The following TMEM132B variants were observed in gnomAD, a reference collection of about 807,000 sequenced individuals.
The protein encoded by TMEM132B is transmembrane protein 132B.
In TMEM132B, 18 loss-of-function variants were observed where a neutral mutation model predicts 90.8. That is an observed-to-expected ratio of 0.20 (90% CI 0.14 to 0.29). The LOEUF (loss-of-function observed/expected upper bound fraction) is 0.29. Among genes scored for constraint, TMEM132B ranks in the 10% least tolerant of loss-of-function variants. The pLI, the probability that TMEM132B is intolerant of heterozygous loss-of-function variation, is 1.00. For missense variants in TMEM132B, 1,096 were observed against 1,326.8 expected, an observed-to-expected ratio of 0.83 and a Z score of 2.70; for synonymous variants, 504 against 523.3, an observed-to-expected ratio of 0.96 and a Z score of 0.50.
chr12:125,223,219 G>A (rs1234859898), intron 1 of TMEM132B, among the ~76,000 whole-genome samples: 1 of 152,202 alleles, frequency 6.6e-6, no homozygotes, highest in East Asian at 1.9e-4. Flanking sequence ...ATGACCTTGA[G>A]GAAGTTGATG....
intron 1 of TMEM132B, among the ~76,000 whole-genome samples, chr12:125,278,477 C>CT (rs35950577): frequency 0.27 from 37,509 of 141,374 alleles, 5,184 homozygotes; most frequent in East Asian, 0.45. Flanking sequence ...GAATCTCCAT[C>CT]TTTTTTTTTT....
chr12:125,509,018 A>G (rs1461092548), intron 3 of TMEM132B, among the ~76,000 whole-genome samples: 8 of 151,880 alleles, frequency 5.3e-5, no homozygotes, highest in Admixed American at 4.6e-4. Flanking sequence ...TCCTGGCCTT[A>G]AGTGACCCTC....
intron 1 of TMEM132B, among the ~76,000 whole-genome samples, chr12:125,293,271 C>T (rs1227632575): frequency 3.3e-5 from 5 of 152,170 alleles, no homozygotes; most frequent in Admixed American, 6.5e-5. Flanking sequence ...CTTAGTAAAG[C>T]GTATTGCAGC....
At chr12:125,392,193 C>T (rs933617540) in intron 2 of TMEM132B, among the ~76,000 whole-genome samples, 6 of 152,168 alleles carry the variant, frequency 3.9e-5, no homozygotes, top group African/African-American at 1.4e-4. Context: ...CTACTACGTG[C>T]TTTCCTCTCC....
intron 5 of TMEM132B, among the ~76,000 whole-genome samples, chr12:125,613,285 G>A (rs369762623): frequency 7.0e-6 from 1 of 143,554 alleles, no homozygotes; most frequent in African/African-American, 2.6e-5. Context: ...TTTCATATGG[G>A]CATACATGTG....
At chr12:125,288,462 CAAAA>C (rs11423298) in intron 1 of TMEM132B, among the ~76,000 whole-genome samples, 2 of 102,948 alleles carry the variant, frequency 1.9e-5, no homozygotes, top group Non-Finnish European at 1.9e-5. Context: ...GACTCCATCT[CAAAA>C]AAAAAAAAAA....
Position 125,652,651 on chromosome 12 carries a change from C to T in TMEM132B, c.2106+19C>T, listed in dbSNP as rs1407823170. 6.3e-7 allele frequency: 1 copy of T among 1,599,608 alleles called. No individual in the cohort carries two copies. On this transcript the variant is annotated intron_variant, in intron 8 of 8. Coordinates refer to ENST00000682704, the MANE Select transcript of TMEM132B (RefSeq NM_001366854.1). ...ACAGCAGGTGAGCGTTCCAGGGGCC[C>T]TGCGTCCTTGGTCAGTGGGGATGAC...
intron 5 of TMEM132B, chr12:125,588,139 C>G (rs1885224280): frequency 6.6e-6 from 1 of 152,152 alleles, no homozygotes; most frequent in African/African-American, 2.4e-5. Flanking sequence ...GGTTGAGCTT[C>G]CAGACATGTG....
At chr12:125,326,603 C>G (rs1279550414) in intron 1 of TMEM132B, 1 of 1,602,218 alleles carries the variant, frequency 6.2e-7, no homozygotes, top group Admixed American at 1.7e-5. Context: ...GCCCTCGCCT[C>G]AGCTCCAGAC....
intron 5 of TMEM132B, among the ~76,000 whole-genome samples, chr12:125,625,389 T>C (rs548541357): frequency 3.3e-5 from 5 of 152,298 alleles, no homozygotes; most frequent in East Asian, 3.9e-4. Flanking sequence ...CACCTCGGCC[T>C]CCCAAAGTGC....
At chr12:125,391,374 TG>T (rs1374603697) in intron 2 of TMEM132B, among the ~76,000 whole-genome samples, 1 of 152,160 alleles carries the variant, frequency 6.6e-6, no homozygotes, top group African/African-American at 2.4e-5. Flanking sequence ...TTGGGGCCTG[TG>T]GGTGTTAGTT....
At chr12:125,358,778 C>T (rs1877867007) in intron 2 of TMEM132B, among the ~76,000 whole-genome samples, 1 of 152,184 alleles carries the variant, frequency 6.6e-6, no homozygotes, top group Admixed American at 6.5e-5. Context: ...CTGTTTCCCC[C>T]TTTGTAGTTG....
chr12:125,443,933 AT>A (rs79875848), intron 3 of TMEM132B, among the ~76,000 whole-genome samples: 2,096 of 146,860 alleles, frequency 0.014, 51 homozygotes, highest in African/African-American at 0.048. Context: ...ATGAAAGTGT[AT>A]TTTTTTTTTT....
intron 4 of TMEM132B, among the ~76,000 whole-genome samples, chr12:125,555,928 G>A (rs1194075262): frequency 6.6e-6 from 1 of 152,020 alleles, no homozygotes; most frequent in East Asian, 1.9e-4. Flanking sequence ...AAGCTGTCAT[G>A]CAACTTTGAA....
intron 1 of TMEM132B, among the ~76,000 whole-genome samples, chr12:125,273,845 G>A (rs1218888115): frequency 6.6e-6 from 1 of 152,088 alleles, no homozygotes; most frequent in Non-Finnish European, 1.5e-5. Flanking sequence ...TTGTATTTTT[G>A]TAGAGATGGG....
chr12:125,307,329 A>G (rs984492053), intron 1 of TMEM132B, among the ~76,000 whole-genome samples: 3 of 152,182 alleles, frequency 2.0e-5, no homozygotes, highest in Non-Finnish European at 2.9e-5. Context: ...GGTTTCGTGC[A>G]GTATCATGAC....
In TMEM132B at chr12:125,349,531, C is replaced by A; in HGVS notation, c.147C>A (p.Ile49=). 6.2e-7 allele frequency: 1 copy of A among 1,614,194 alleles called. No individual in the cohort carries two copies. The highest frequency in any genetic ancestry group is 1.3e-5 in the African/African-American group (1 of 75,040). ...LPAYLPTNLH[I]SNAEESFFLK... ...CTTACCTCCCCACGAACTTGCACAT[C>A]TCCAATGCAGAGGAGTCCTTTTTCC... The change falls in exon 2 of 9, where the codon ATC becomes ATA. Residue 49 remains isoleucine, a synonymous_variant. Coordinates refer to ENST00000682704, the MANE Select transcript of TMEM132B (RefSeq NM_001366854.1). The surrounding 1 kb of genome is among the most constrained non-coding windows in gnomAD (Gnocchi z 4.1).
chr12:125,387,151 G>T (rs1390075782), intron 2 of TMEM132B, among the ~76,000 whole-genome samples: 1 of 150,640 alleles, frequency 6.6e-6, no homozygotes, highest in African/African-American at 2.4e-5. Flanking sequence ...TTTTCTGGGG[G>T]TGGGGCGGGG....
chr12:125,357,789 G>T (rs1474978134), intron 2 of TMEM132B, among the ~76,000 whole-genome samples: 1 of 152,126 alleles, frequency 6.6e-6, no homozygotes, highest in Non-Finnish European at 1.5e-5. Flanking sequence ...TGTTATTAAG[G>T]CCACACCTGT....
Sources: allele counts gnomAD v4.1 joint callset (sites outside exome capture counted in the v4.1 genomes callset), GRCh38; gene constraint gnomAD v4.1.1; non-coding constraint Gnocchi (gnomAD v3.1); transcripts MANE v1.5; gene names NCBI Gene and HGNC (gene_info 2026-07-23, HGNC 2026-07-21).